ATP8A2: variants seen among roughly 807,000 people sequenced by gnomAD.
ATP8A2 encodes the protein ATPase phospholipid transporting 8A2.
ATP8A2 carries 100 observed loss-of-function variants against 165.6 expected under a neutral mutation model. That is an observed-to-expected ratio of 0.60 (90% CI 0.51 to 0.71). ATP8A2 has a LOEUF of 0.71. ATP8A2 is among the 30% of genes least tolerant of loss of function. ATP8A2 has a pLI of 0.00. For missense variants in ATP8A2, 1,227 were observed against 1,479.5 expected (o/e 0.83, Z 2.80); for synonymous variants, 543 against 548.8 (o/e 0.99, Z 0.15).
chr13:25,826,523 C>T (rs1046560146), intron 27 of ATP8A2, among the ~76,000 whole-genome samples: 4 of 152,156 alleles, frequency 2.6e-5, no homozygotes, highest in Admixed American at 6.5e-5. Context: ...TCAAGAAACG[C>T]AGTCTGGTGG....
intron 33 of ATP8A2, among the ~76,000 whole-genome samples, chr13:25,922,209 C>A (rs185436598): frequency 2.2e-3 from 330 of 152,278 alleles, no homozygotes; most frequent in Admixed American, 4.1e-3. Context: ...TTCAAAAAAT[C>A]TCTGTGGTCA....
At chr13:25,903,567 G>T (rs542051109) in intron 33 of ATP8A2, among the ~76,000 whole-genome samples, 1 of 152,298 alleles carries the variant, frequency 6.6e-6, no homozygotes, top group Admixed American at 6.5e-5. Flanking sequence ...TCCTTGCAAT[G>T]ATCCAGACCA....
chr13:25,531,291 T>TATATATGTTATATATG (rs1179287160), intron 4 of ATP8A2, among the ~76,000 whole-genome samples: 6 of 65,398 alleles, frequency 9.2e-5, no homozygotes, highest in Non-Finnish European at 1.4e-4. Context: ...TTATATATGA[T>TATATATGTTATATATG]ATATATGTTA....
chr13:25,914,324 A>G (rs988302450), intron 33 of ATP8A2, among the ~76,000 whole-genome samples: 2 of 152,194 alleles, frequency 1.3e-5, no homozygotes, highest in Non-Finnish European at 1.5e-5. Flanking sequence ...ATAAATATCC[A>G]GCCCTTACCT....
At chr13:25,980,025 C>T (rs190036504) in intron 35 of ATP8A2, among the ~76,000 whole-genome samples, 5 of 152,178 alleles carry the variant, frequency 3.3e-5, no homozygotes, top group Admixed American at 6.5e-5. Flanking sequence ...CAGGGAAAAC[C>T]GTATGTATTT....
intron 25 of ATP8A2, among the ~76,000 whole-genome samples, chr13:25,738,937 T>C (rs2043846559): frequency 6.6e-6 from 1 of 152,230 alleles, no homozygotes; most frequent in Non-Finnish European, 1.5e-5. Context: ...ACTGAACTTA[T>C]CAGAAGTCAA....
At chr13:25,746,884 C>G (rs217860) in intron 25 of ATP8A2, among the ~76,000 whole-genome samples, 62,071 of 152,014 alleles carry the variant, frequency 0.41, 14,001 homozygotes, top group African/African-American at 0.6. Flanking sequence ...AAACATTGTG[C>G]TAGATTATCT....
chr13:25,468,944 G>T, intron 1 of ATP8A2, 33 bp from the exon 2 acceptor site: 2 of 1,611,168 alleles, frequency 1.2e-6, no homozygotes, highest in Non-Finnish European at 1.7e-6. Context: ...ACTTCTTTGT[G>T]TCGTATTCTC....
chr13:25,622,577 C>T (rs571711299), intron 24 of ATP8A2, among the ~76,000 whole-genome samples: 1 of 152,060 alleles, frequency 6.6e-6, no homozygotes. Flanking sequence ...ATCCAAAATC[C>T]GAAATGCCCC....
intron 35 of ATP8A2, among the ~76,000 whole-genome samples, chr13:25,969,059 G>T (rs1314728833): frequency 6.6e-6 from 1 of 152,206 alleles, no homozygotes; most frequent in Non-Finnish European, 1.5e-5. Flanking sequence ...AGTATCTACA[G>T]TGTGAAGGTT....
At chr13:25,786,355 T>A (rs484148) in intron 27 of ATP8A2, among the ~76,000 whole-genome samples, 1 of 152,198 alleles carries the variant, frequency 6.6e-6, no homozygotes, top group African/African-American at 2.4e-5. Context: ...GAATAGGAGT[T>A]ATATACACGC....
chr13:25,702,673 C>T (rs975741091), intron 25 of ATP8A2, among the ~76,000 whole-genome samples: 1 of 152,184 alleles, frequency 6.6e-6, no homozygotes, highest in Non-Finnish European at 1.5e-5. Context: ...GTATTTGCCT[C>T]TATTCCTTTG....
At chr13:25,715,245 A>G (rs1451907588) in intron 25 of ATP8A2, among the ~76,000 whole-genome samples, 1 of 152,182 alleles carries the variant, frequency 6.6e-6, no homozygotes, top group Non-Finnish European at 1.5e-5. Context: ...TCTCATTGGA[A>G]CTTGGACTTG....
chr13:25,746,843 A>G (rs1302499472), intron 25 of ATP8A2, among the ~76,000 whole-genome samples: 1 of 152,246 alleles, frequency 6.6e-6, no homozygotes, highest in East Asian at 1.9e-4. Context: ...TCAGTGTGGA[A>G]TAATTCATAG....
At chr13:26,018,552 G>C (rs1957033163) in intron 36 of ATP8A2, among the ~76,000 whole-genome samples, 1 of 152,178 alleles carries the variant, frequency 6.6e-6, no homozygotes, top group Admixed American at 6.5e-5. Context: ...TTTTTTTATT[G>C]TGTTGTCTTT....
chr13:25,633,340 A>C (rs924821196), intron 24 of ATP8A2, among the ~76,000 whole-genome samples: 1 of 152,130 alleles, frequency 6.6e-6, no homozygotes, highest in Non-Finnish European at 1.5e-5. Context: ...GAGTCATTGT[A>C]TAGTATGATT....
chr13:25,923,627 AT>A (rs5802355), intron 33 of ATP8A2, among the ~76,000 whole-genome samples: 16 of 148,530 alleles, frequency 1.1e-4, no homozygotes, highest in Middle Eastern at 3.4e-3. Context: ...CTTAGCCTCC[AT>A]TTTTTTTTTT....
At chr13:25,759,908 C>G (rs2044345207) in intron 25 of ATP8A2, among the ~76,000 whole-genome samples, 1 of 152,190 alleles carries the variant, frequency 6.6e-6, no homozygotes, top group Admixed American at 6.5e-5. Flanking sequence ...AAGCTAGACT[C>G]CTGTCAGAAT....
intron 35 of ATP8A2, among the ~76,000 whole-genome samples, chr13:26,000,371 C>T (rs998692020): frequency 6.6e-6 from 1 of 152,178 alleles, no homozygotes; most frequent in Non-Finnish European, 1.5e-5. Flanking sequence ...TCCACACTCC[C>T]GCTCTTTGGC....
Sources: allele counts gnomAD v4.1 joint callset (sites outside exome capture counted in the v4.1 genomes callset), GRCh38; gene constraint gnomAD v4.1.1; transcripts MANE v1.5; gene names NCBI Gene and HGNC (gene_info 2026-07-23, HGNC 2026-07-21).